SUSD4: variants seen among roughly 807,000 people sequenced by gnomAD.
SUSD4 encodes the protein sushi domain-containing protein 4.
Under a neutral mutation model 50.5 loss-of-function variants are expected in SUSD4, and 41 were observed. That is an observed-to-expected ratio of 0.81 (90% CI 0.63 to 1.05). The LOEUF (loss-of-function observed/expected upper bound fraction) is 1.05, where lower values mean the gene tolerates loss of function less well. Among genes scored for constraint, SUSD4 ranks in the 50% least tolerant of loss-of-function variants. The pLI, the probability that SUSD4 is intolerant of heterozygous loss-of-function variation, is 0.00. For missense variants in SUSD4, 580 were observed against 634.7 expected (o/e 0.91, Z 0.93); for synonymous variants, 257 against 257.3 (o/e 1.00, Z 0.01).
chr1:223,342,051 C>T (rs1163519761), intron 2 of SUSD4, among the ~76,000 whole-genome samples: 1 of 152,118 alleles, frequency 6.6e-6, no homozygotes, highest in Non-Finnish European at 1.5e-5. Context: ...ATAAACATCC[C>T]TTGCCTTTCC....
At chr1:223,254,322 G>T (rs1406022885) in intron 5 of SUSD4, among the ~76,000 whole-genome samples, 1 of 152,114 alleles carries the variant, frequency 6.6e-6, no homozygotes, top group Admixed American at 6.5e-5. Context: ...GGTGGGAGAA[G>T]AATCACCTCT....
At chr1:223,292,750 C>T (rs2203764) in intron 2 of SUSD4, 99 bp from the exon 3 acceptor site, 1 of 1,255,202 alleles carries the variant, frequency 8.0e-7, no homozygotes, top group South Asian at 1.4e-5. Context: ...TGTCATACGC[C>T]TTGGACACTC....
At chr1:223,334,583 T>G (rs1667353427) in intron 2 of SUSD4, among the ~76,000 whole-genome samples, 1 of 152,166 alleles carries the variant, frequency 6.6e-6, no homozygotes. Context: ...GGGGAGAGGC[T>G]GGGTCACATA....
At chr1:223,244,763 G>A (rs933511187) in intron 5 of SUSD4, among the ~76,000 whole-genome samples, 2 of 152,160 alleles carry the variant, frequency 1.3e-5, no homozygotes, top group African/African-American at 4.8e-5. Flanking sequence ...CCTTCAGCAG[G>A]GAATATGGGT....
At chr1:223,342,242 T>C (rs888403268) in intron 2 of SUSD4, among the ~76,000 whole-genome samples, 2 of 152,180 alleles carry the variant, frequency 1.3e-5, no homozygotes, top group African/African-American at 4.8e-5. Flanking sequence ...TGATATTTTG[T>C]AGATGAAACT....
chr1:223,274,314 G>A (rs1322327615), intron 3 of SUSD4, among the ~76,000 whole-genome samples: 1 of 152,190 alleles, frequency 6.6e-6, no homozygotes, highest in African/African-American at 2.4e-5. Flanking sequence ...AAAAATCAAT[G>A]CTCTTCAGAG....
At chr1:223,350,772 G>A (rs913221516) in intron 2 of SUSD4, among the ~76,000 whole-genome samples, 1 of 152,156 alleles carries the variant, frequency 6.6e-6, no homozygotes, top group Non-Finnish European at 1.5e-5. Context: ...AAGAGGAAAA[G>A]TACAGTGCCT....
chr1:223,311,371 G>A (rs1309638816), intron 2 of SUSD4, among the ~76,000 whole-genome samples: 1 of 152,212 alleles, frequency 6.6e-6, no homozygotes, highest in East Asian at 1.9e-4. Context: ...CTACCTGGAG[G>A]ATAAAAGGAA....
intron 2 of SUSD4, among the ~76,000 whole-genome samples, chr1:223,293,287 C>T (rs913839228): frequency 1.3e-5 from 2 of 152,114 alleles, no homozygotes; most frequent in Admixed American, 6.5e-5. Flanking sequence ...CTCCTCCACC[C>T]GGCTGCCTTT....
At chr1:223,235,146 T>A in intron 5 of SUSD4, 1 of 1,535,382 alleles carries the variant, frequency 6.5e-7, no homozygotes, top group Non-Finnish European at 8.7e-7. Context: ...AGACTATTTC[T>A]CTTGATTGAA....
At position 223,303,077 on chromosome 1, in the gene SUSD4, G is replaced by C. The variant is rs371743699; in HGVS notation, c.149-10426C>G. Among the ~76,000 whole-genome samples, 5 of 152,274 alleles carry C rather than the reference G, an allele frequency of 3.3e-5. No individual in the cohort carries two copies. In the South Asian group the frequency reaches 1.0e-3, roughly 32 times the overall value. On this transcript the variant is annotated intron_variant, in intron 2 of 8. Transcript: ENST00000366878. ...GTGGGAAGATCACTTGAGCCCAGGA[G>C]TTCGAGGCTATAGTGAGCTACGGTG...
chr1:223,354,044 A>G (rs1416886592), intron 2 of SUSD4, among the ~76,000 whole-genome samples: 2 of 152,040 alleles, frequency 1.3e-5, no homozygotes, highest in Admixed American at 6.5e-5. Context: ...GAAAAAAAAA[A>G]AAAGAAAGTA....
intron 5 of SUSD4, among the ~76,000 whole-genome samples, chr1:223,259,895 C>A (rs999816434): frequency 6.6e-6 from 1 of 152,150 alleles, no homozygotes; most frequent in Non-Finnish European, 1.5e-5. Flanking sequence ...CTAGGGCAGG[C>A]TGCGTCTATA....
At chr1:223,279,801 T>A (rs908326551) in intron 3 of SUSD4, among the ~76,000 whole-genome samples, 10 of 128,104 alleles carry the variant, frequency 7.8e-5, no homozygotes, top group Non-Finnish European at 1.5e-4. Flanking sequence ...TTCACTGAAG[T>A]TGAAATGAAG....
intron 2 of SUSD4, among the ~76,000 whole-genome samples, chr1:223,317,030 C>T (rs1352567422): frequency 6.6e-5 from 10 of 152,152 alleles, no homozygotes; most frequent in African/African-American, 2.4e-4. Flanking sequence ...AGAGCAACTC[C>T]ATCTTGACTA....
At chr1:223,348,831 T>C (rs1296266913) in intron 2 of SUSD4, among the ~76,000 whole-genome samples, 1 of 152,212 alleles carries the variant, frequency 6.6e-6, no homozygotes, top group Non-Finnish European at 1.5e-5. Context: ...TCTGGGTTAA[T>C]GAACCCATCT....
intron 2 of SUSD4, among the ~76,000 whole-genome samples, chr1:223,323,268 A>G (rs775237595): frequency 2.0e-5 from 3 of 152,060 alleles, no homozygotes; most frequent in Admixed American, 6.5e-5. Context: ...AGAGGAAAAG[A>G]AGGAGGAAAA....
intron 3 of SUSD4, among the ~76,000 whole-genome samples, chr1:223,283,256 C>T (rs2103121941): frequency 6.6e-6 from 1 of 152,262 alleles, no homozygotes. Flanking sequence ...TAAAGAGCTT[C>T]TGCACAGCAA....
chr1:223,316,511 T>C (rs2103228984), intron 2 of SUSD4, among the ~76,000 whole-genome samples: 1 of 152,204 alleles, frequency 6.6e-6, no homozygotes, highest in South Asian at 2.1e-4. Context: ...GGACTGGACG[T>C]TTCTCCTCAC....
Sources: allele counts gnomAD v4.1 joint callset (sites outside exome capture counted in the v4.1 genomes callset), GRCh38; gene constraint gnomAD v4.1.1; transcripts MANE v1.5; gene names NCBI Gene and HGNC (gene_info 2026-07-23, HGNC 2026-07-21).